ISM2: variants seen among roughly 807,000 people sequenced by gnomAD.
ISM2 encodes isthmin-2.
Under a neutral mutation model 58.0 loss-of-function variants are expected in ISM2, and 50 were observed. The observed-to-expected ratio is 0.86, with a 90% CI of 0.69 to 1.09. ISM2 has a LOEUF of 1.09. ISM2 is among the 50% of genes least tolerant of loss of function. ISM2 has a pLI of 0.00. For synonymous variants in ISM2, 303 were observed against 312.4 expected (o/e 0.97, Z 0.32); for missense variants, 723 against 745.0 (o/e 0.97, Z 0.34).
chr14:77,482,551 G>T lies in ISM2; in HGVS notation c.744C>A (p.Phe248Leu). Residue 248 changes from phenylalanine (F) to leucine (L), a missense_variant, in exon 4 of 7, where the codon TTC becomes TTA. By Grantham distance (22) the Phe-to-Leu change is conservative. Transcript: ENST00000342219. ...CCTCTCCTTTGTAGTCTCCCCAGAG[G>T]AAGGACCAGAGGGCGGGCAGCCAGC... Reference protein sequence around the residue: ...TLSWLPALWSFLWGDYKGEEK... With the variant: ...TLSWLPALWSLLWGDYKGEEK... 2.5e-6 allele frequency: 4 copies of T among 1,614,052 alleles called. No homozygotes were observed. The highest frequency in any genetic ancestry group is 3.4e-6 in the Non-Finnish European group (4 of 1,179,992).
intron 1 of ISM2, among the ~76,000 whole-genome samples, chr14:77,485,160 G>A (rs973470751): frequency 6.6e-6 from 1 of 152,214 alleles, no homozygotes; most frequent in African/African-American, 2.4e-5. Context: ...TCCACAAAGT[G>A]CTTTCACAGA....
At chr14:77,487,594 G>A (rs1289574088) in intron 1 of ISM2, among the ~76,000 whole-genome samples, 1 of 152,240 alleles carries the variant, frequency 6.6e-6, no homozygotes, top group African/African-American at 2.4e-5. Flanking sequence ...CCTCTCTGGA[G>A]CTGCTCTTGG....
rs117265076 is a variant in ISM2 at position 77,494,801 on chromosome 14, C to G, written c.141+3852G>C. On this transcript the variant is annotated intron_variant, in intron 1 of 6. Coordinates refer to ENST00000342219, the MANE Select transcript of ISM2 (RefSeq NM_199296.3). ...ACCTTTGCCATAGACAGCTTTAACA[C>G]AAATCATGAAGACTCATGGAACGAT... is the stretch of plus-strand genomic sequence containing the variant. 1.3e-4 allele frequency among the ~76,000 whole-genome samples: 20 copies of G among 152,350 alleles called. No homozygotes were observed. In the East Asian group the frequency reaches 3.9e-3, roughly 29 times the overall value.
chr14:77,485,723 C>T (rs952723423), intron 1 of ISM2, among the ~76,000 whole-genome samples: 1 of 152,240 alleles, frequency 6.6e-6, no homozygotes, highest in Non-Finnish European at 1.5e-5. Context: ...GAGCACCTCC[C>T]AGAGCTGCCT....
intron 1 of ISM2, among the ~76,000 whole-genome samples, chr14:77,492,111 C>G (rs1313161402): frequency 3.3e-5 from 5 of 152,076 alleles, no homozygotes; most frequent in Non-Finnish European, 7.4e-5. Context: ...ATCCTCCCAC[C>G]TTGGCCTTCC....
chr14:77,484,715 C>T lies in ISM2; in HGVS notation c.346G>A (p.Ala116Thr), dbSNP rs2079156190. 3.7e-6 allele frequency: 6 copies of T among 1,611,748 alleles called. No individual in the cohort carries two copies. The highest frequency in any genetic ancestry group is 4.2e-6 in the Non-Finnish European group (5 of 1,179,612). The change falls in exon 2 of 7, where the codon GCC (alanine) becomes ACC (threonine). Residue 116 changes from alanine (A) to threonine (T), a missense_variant. Coordinates refer to ENST00000342219, the MANE Select transcript of ISM2 (RefSeq NM_199296.3). ...TTAGGGGTACTCAAGGTTGTGTTGG[C>T]CAATCCCGGCAGCTTCTGCAGCTCC... ...RLELQKLPGL[A>T]NTTLSTPNPD...
chr14:77,498,225 T>C (rs965058985), intron 1 of ISM2: 1 of 1,286,588 alleles, frequency 7.8e-7, no homozygotes, highest in Admixed American at 2.4e-5. Context: ...GGGGCTCACC[T>C]GACCGTTTGA....
intron 1 of ISM2, among the ~76,000 whole-genome samples, chr14:77,491,997 C>A (rs1404504436): frequency 2.0e-5 from 3 of 150,100 alleles, no homozygotes; most frequent in Non-Finnish European, 3.0e-5. Context: ...CCCAGCCCCC[C>A]ACCTTTTTTT....
chr14:77,484,952 G>A lies in ISM2; in HGVS notation c.142-33C>T, dbSNP rs548265257. ...AGAGAGAAGGAAGGTAAGGTAACAG[G>A]TCAGGGCTCACCCCACGGGGATCCG... On this transcript the variant is annotated intron_variant, in intron 1 of 6. Transcript: ENST00000342219. 5 of 1,526,214 alleles carry A rather than the reference G, an allele frequency of 3.3e-6. No individual in the cohort carries two copies. The East Asian group carries it at 1.1e-4, about 34-fold the overall frequency. The allele number at this position is 1,526,214 out of a possible 1,614,324, so 94.5% of individuals were successfully genotyped here. A position where few individuals can be genotyped will look rare whatever the true frequency, so the allele number is the denominator to read the frequency against.
intron 1 of ISM2, among the ~76,000 whole-genome samples, chr14:77,490,058 T>C (rs1485483610): frequency 6.6e-6 from 1 of 152,158 alleles, no homozygotes; most frequent in African/African-American, 2.4e-5. Context: ...AGAGATGGGG[T>C]TTCACCGTGT....
rs1429408097 is a variant in ISM2 at position 77,476,027 on chromosome 14, G to A, written c.1284C>T (p.Ser428=). 4 of 1,573,540 alleles carry A rather than the reference G, an allele frequency of 2.5e-6. No homozygotes were observed. Among genetic ancestry groups the A allele is most frequent in the Non-Finnish European group, 3.4e-6 (4 of 1,163,176 alleles). The change falls in exon 7 of 7, where the codon AGC becomes AGT. Residue 428 remains serine (S), a synonymous_variant. Transcript: ENST00000342219. ...YLSQMLRDLP[S]CPCAYPLEAM... The stretch of plus-strand genomic sequence containing the variant: ...CCTCCAGTGGGTAGGCACACGGGCA[G>A]CTGGGCAGGTCCCGCAGCATCTGGC...
intron 6 of ISM2, among the ~76,000 whole-genome samples, chr14:77,477,981 A>C (rs1652748989): frequency 1.3e-5 from 2 of 152,164 alleles, no homozygotes; most frequent in Admixed American, 1.3e-4. Flanking sequence ...GCCAGGGAGG[A>C]TAGGATATGC....
rs2079093909 is a variant in ISM2 at position 77,475,812 on chromosome 14, A to C, written c.1499T>G (p.Leu500Arg). The stretch of plus-strand genomic sequence containing the variant: ...GCCGGCGCCCTTGCCACGGGTCAGC[A>C]GCCGGCTGTCCTCGTCATAGCAGCA... ...QHCCYDEDSR[L>R]LTRGKGAGMP... The change falls in exon 7 of 7, where the codon CTG becomes CGG. Residue 500 changes from leucine (L) to arginine (R), a missense_variant. Transcript: ENST00000342219. The surrounding 1 kb of genome is among the most constrained non-coding windows in gnomAD (Gnocchi z 4.1). 2 of 1,612,882 alleles carry C rather than the reference A, an allele frequency of 1.2e-6. No individual in the cohort carries two copies. Among genetic ancestry groups the C allele is most frequent in the South Asian group, 1.1e-5 (1 of 91,030 alleles).
chr14:77,497,926 G>T (rs1375840672), intron 1 of ISM2, among the ~76,000 whole-genome samples: 1 of 152,048 alleles, frequency 6.6e-6, no homozygotes, highest in Non-Finnish European at 1.5e-5. Context: ...TGCCACATAG[G>T]ACTGCTCCTG....
At chr14:77,491,644 G>A (rs1219949905) in intron 1 of ISM2, among the ~76,000 whole-genome samples, 1 of 151,452 alleles carries the variant, frequency 6.6e-6, no homozygotes. Context: ...CACCCGCCCT[G>A]GCTTCCCAAA....
chr14:77,491,321 A>C (rs1296970409), intron 1 of ISM2, among the ~76,000 whole-genome samples: 2 of 152,062 alleles, frequency 1.3e-5, no homozygotes, highest in East Asian at 1.9e-4. Flanking sequence ...AACCACCCCC[A>C]TCCCGCTCCA....
intron 1 of ISM2, among the ~76,000 whole-genome samples, chr14:77,487,138 G>A (rs897405910): frequency 6.6e-5 from 10 of 151,688 alleles, no homozygotes; most frequent in African/African-American, 2.2e-4. Flanking sequence ...CCAGCTACTC[G>A]GGAGGCTGAG....
At chr14:77,496,415 G>A (rs2079240770) in intron 1 of ISM2, among the ~76,000 whole-genome samples, 1 of 151,856 alleles carries the variant, frequency 6.6e-6, no homozygotes, top group Non-Finnish European at 1.5e-5. Flanking sequence ...TTGAACCCAG[G>A]AGGCGGAGGT....
chr14:77,486,471 G>T (rs1262414289), intron 1 of ISM2, among the ~76,000 whole-genome samples: 1 of 152,216 alleles, frequency 6.6e-6, no homozygotes, highest in Admixed American at 6.5e-5. Flanking sequence ...CAGGGTGGAT[G>T]AGTGGAAGGT....
Sources: gnomAD v4.1 joint callset for allele counts (sites outside exome capture counted in the v4.1 genomes callset) on GRCh38, gnomAD v4.1.1 for gene constraint, Gnocchi (gnomAD v3.1) non-coding constraint, MANE v1.5 for transcripts, NCBI Gene and HGNC (gene_info 2026-07-23, HGNC 2026-07-21) for gene names.